Variants in PTPRE observed in about 807,000 individuals in gnomAD.
PTPRE encodes protein tyrosine phosphatase receptor type E.
A neutral mutation model predicts 102.0 loss-of-function variants in PTPRE; 51 were observed. That is an observed-to-expected ratio of 0.50 (90% CI 0.40 to 0.63). The LOEUF (loss-of-function observed/expected upper bound fraction) is 0.63. Among genes scored for constraint, PTPRE ranks in the 30% least tolerant of loss-of-function variants. The pLI is 0.00. For missense variants in PTPRE, 752 were observed against 915.1 expected (o/e 0.82, Z 2.30); for synonymous variants, 345 against 348.2 (o/e 0.99, Z 0.10).
chr10:127,975,922 C>T (rs1851130129), intron 1 of PTPRE, among the ~76,000 whole-genome samples: 2 of 152,044 alleles, frequency 1.3e-5, no homozygotes, highest in South Asian at 4.2e-4. Context: ...AGCCTCAGTT[C>T]CCCCTCTGCA....
intron 2 of PTPRE, among the ~76,000 whole-genome samples, chr10:128,036,920 G>A (rs1263119024): frequency 3.3e-5 from 5 of 152,134 alleles, no homozygotes; most frequent in Non-Finnish European, 7.3e-5. Context: ...ACCACTCTCC[G>A]GCCGCAAAGG....
chr10:127,958,441 C>T (rs1332076330), intron 1 of PTPRE, among the ~76,000 whole-genome samples: 1 of 152,040 alleles, frequency 6.6e-6, no homozygotes, highest in Non-Finnish European at 1.5e-5. Flanking sequence ...TTTTTTGCAT[C>T]TGTTGATATA....
rs912755759 is a variant in PTPRE, at chr10:128,067,194, A to G, written c.844-929A>G. Among the ~76,000 whole-genome samples, 6 of 148,600 alleles carry G rather than the reference A, an allele frequency of 4.0e-5. No individual in the cohort carries two copies. The East Asian group carries it at 7.9e-4, about 20-fold the overall frequency. On this transcript the variant is annotated intron_variant, in intron 11 of 20. Transcript: ENST00000254667. ...CACATGCACACATTCACACATGTGCACACACATACACCCACACACATTCAC... is the reference window on the plus strand; with the variant it reads ...CACATGCACACATTCACACATGTGCGCACACATACACCCACACACATTCAC...
At chr10:127,949,041 G>A (rs1210547845) in intron 1 of PTPRE, among the ~76,000 whole-genome samples, 13 of 152,202 alleles carry the variant, frequency 8.5e-5, no homozygotes, top group Non-Finnish European at 1.8e-4. Context: ...GTCAGCCTTT[G>A]GATTCCAGAA....
intron 2 of PTPRE, among the ~76,000 whole-genome samples, chr10:127,995,611 T>C (rs1156923960): frequency 6.6e-6 from 1 of 152,150 alleles, no homozygotes; most frequent in East Asian, 1.9e-4. Context: ...ATGCAATAGG[T>C]TGTTTAAACA....
chr10:127,999,769 C>T (rs893580661), intron 2 of PTPRE: 1 of 985,414 alleles, frequency 1.0e-6, no homozygotes, highest in Non-Finnish European at 1.2e-6. Context: ...TTTCTGGTGA[C>T]ATAGTGTGAG....
chr10:127,955,128 C>G (rs988523603), intron 1 of PTPRE, among the ~76,000 whole-genome samples: 2 of 152,082 alleles, frequency 1.3e-5, no homozygotes, highest in Admixed American at 1.3e-4. Context: ...TAGGGTGCCT[C>G]TTAGTACTAC....
At chr10:127,991,540 T>C (rs939178269) in intron 2 of PTPRE, among the ~76,000 whole-genome samples, 22 of 152,210 alleles carry the variant, frequency 1.4e-4, no homozygotes, top group African/African-American at 5.3e-4. Flanking sequence ...AATGGAATGC[T>C]CTCTAGAAAA....
At position 128,060,145 on chromosome 10, in the gene PTPRE, A is replaced by G. The variant is rs186182742; in HGVS notation, c.512-794A>G. Among the ~76,000 whole-genome samples, 872 of 150,478 alleles carry G rather than the reference A, an allele frequency of 5.8e-3. 27 individuals carry two copies. The highest frequency in any genetic ancestry group is 0.053 in the Admixed American group (801 of 15,092). ...ACCCACATGCACACATTCACACAGC[A>G]TACACACTACACACATGCACACCAC... On this transcript the variant is annotated intron_variant, in intron 7 of 20. Coordinates refer to ENST00000254667, the MANE Select transcript of PTPRE (RefSeq NM_006504.6).
rs370113254 is a variant in PTPRE, at chr10:128,069,695, G to A, written c.1011G>A (p.Ala337=). ...GCATCTTTCTCTTTCCCCAAAGCGC[G>A]GGCGTGGGCCGGACGGGCACCTTCA... ...HAGPIVVHCS[A]GVGRTGTFIV... The change falls in exon 13 of 21, where the codon GCG becomes GCA. Residue 337 remains alanine (A), a synonymous_variant. Transcript: ENST00000254667. The A allele has an allele frequency of 6.2e-6, 10 of 1,614,044 alleles. No individual in the cohort carries two copies. The highest frequency in any genetic ancestry group is 1.1e-5 in the South Asian group (1 of 91,086).
chr10:127,949,450 C>A (rs1848857452), intron 1 of PTPRE, among the ~76,000 whole-genome samples: 1 of 152,144 alleles, frequency 6.6e-6, no homozygotes, highest in East Asian at 1.9e-4. Context: ...GACTCTACTT[C>A]TAATAGCGCA....
At chr10:127,965,076 A>G (rs766750446) in intron 1 of PTPRE, 7 of 454,498 alleles carry the variant, frequency 1.5e-5, no homozygotes, top group Middle Eastern at 3.2e-4. Context: ...CTTGACTTCT[A>G]AAATTCAGTC....
intron 3 of PTPRE, among the ~76,000 whole-genome samples, chr10:128,045,528 G>A (rs749691160): frequency 8.5e-5 from 13 of 152,210 alleles, no homozygotes; most frequent in Non-Finnish European, 1.8e-4. Context: ...CGAGAGGGAG[G>A]AGGGGGACCG....
chr10:127,962,745 G>A (rs1174059519), intron 1 of PTPRE, among the ~76,000 whole-genome samples: 1 of 152,246 alleles, frequency 6.6e-6, no homozygotes, highest in Non-Finnish European at 1.5e-5. Context: ...GCCAAGGAGG[G>A]AGCAGTGTCA....
chr10:128,025,968 C>A (rs1403769828), intron 2 of PTPRE, among the ~76,000 whole-genome samples: 1 of 152,170 alleles, frequency 6.6e-6, no homozygotes, highest in Non-Finnish European at 1.5e-5. Flanking sequence ...GCAGCCAGAG[C>A]CAGGTACTTC....
chr10:127,919,618 T>C (rs1322257385), intron 1 of PTPRE, among the ~76,000 whole-genome samples: 2 of 152,212 alleles, frequency 1.3e-5, no homozygotes, highest in Non-Finnish European at 2.9e-5. Flanking sequence ...GTTATTCATC[T>C]GTTTAGACAG....
intron 6 of PTPRE, among the ~76,000 whole-genome samples, chr10:128,051,190 G>T (rs1411455790): frequency 6.6e-6 from 1 of 152,116 alleles, no homozygotes; most frequent in Non-Finnish European, 1.5e-5. Context: ...AGTGACAGGG[G>T]CTGGGCTTGC....
chr10:127,971,102 T>TGTAA (rs1286197249), intron 1 of PTPRE, among the ~76,000 whole-genome samples: 4 of 152,202 alleles, frequency 2.6e-5, no homozygotes, highest in Non-Finnish European at 4.4e-5. Context: ...AGACCCTGCC[T>TGTAA]GTAAGTCTCA....
intron 1 of PTPRE, among the ~76,000 whole-genome samples, chr10:127,972,634 G>A (rs893880587): frequency 6.6e-6 from 1 of 152,188 alleles, no homozygotes; most frequent in Non-Finnish European, 1.5e-5. Flanking sequence ...CCATGATGCC[G>A]TGGATCATCA....
Sources: gnomAD v4.1 joint callset for allele counts (sites outside exome capture counted in the v4.1 genomes callset) on GRCh38, gnomAD v4.1.1 for gene constraint, MANE v1.5 for transcripts, NCBI Gene and HGNC (gene_info 2026-07-23, HGNC 2026-07-21) for gene names.